Variants in DNAH14 observed in about 807,000 individuals in gnomAD.
DNAH14 encodes the protein dynein axonemal heavy chain 14.
Under a neutral mutation model 520.9 loss-of-function variants are expected in DNAH14, and 478 were observed. The ratio of observed to expected loss-of-function variants is 0.92; its 90% confidence interval spans 0.85 to 0.99. The LOEUF (loss-of-function observed/expected upper bound fraction) is 0.99, where lower values mean the gene tolerates loss of function less well. Among genes scored for constraint, DNAH14 ranks in the 50% least tolerant of loss-of-function variants. The probability of loss-of-function intolerance (pLI) is 0.00; values close to 1 mark genes in which losing one functional copy is unlikely to be tolerated. For synonymous variants in DNAH14, 1,581 were observed against 1,757.2 expected (o/e 0.90, Z 2.51); for missense variants, 4,831 against 5,234.5 (o/e 0.92, Z 2.38).
chr1:224,970,995 C>T (rs2061473378), intron 7 of DNAH14, among the ~76,000 whole-genome samples: 1 of 151,978 alleles, frequency 6.6e-6, no homozygotes, highest in Non-Finnish European at 1.5e-5. Flanking sequence ...AGAAAACATG[C>T]AAATAGGTAA....
At chr1:225,171,802 G>A (rs1186774075) in intron 36 of DNAH14, among the ~76,000 whole-genome samples, 2 of 152,044 alleles carry the variant, frequency 1.3e-5, no homozygotes, top group African/African-American at 4.8e-5. Flanking sequence ...CCAAAGCCTG[G>A]CAGACACACA....
chr1:225,306,678 A>G (rs1299706897), intron 58 of DNAH14, among the ~76,000 whole-genome samples: 1 of 152,148 alleles, frequency 6.6e-6, no homozygotes, highest in East Asian at 1.9e-4. Flanking sequence ...ACACAGCTCT[A>G]GATCACTCAG....
intron 26 of DNAH14, among the ~76,000 whole-genome samples, chr1:225,121,853 T>C (rs1459996191): frequency 6.6e-6 from 1 of 151,370 alleles, no homozygotes; most frequent in Non-Finnish European, 1.5e-5. Flanking sequence ...ATTAAATAAA[T>C]AAATAAATAA....
At chr1:225,388,039 G>A (rs1575150890) in intron 81 of DNAH14, among the ~76,000 whole-genome samples, 1 of 152,230 alleles carries the variant, frequency 6.6e-6, no homozygotes, top group East Asian at 1.9e-4. Flanking sequence ...GGAAGGTCAG[G>A]AAGCTGAAAT....
intron 23 of DNAH14, among the ~76,000 whole-genome samples, chr1:225,112,470 G>A (rs534014476): frequency 5.2e-4 from 79 of 152,094 alleles, no homozygotes; most frequent in Admixed American, 4.8e-3. Flanking sequence ...AATCTGTTTG[G>A]TGTTCTATAA....
In DNAH14 at chr1:225,360,790, C is replaced by T. The variant is rs776416300; in HGVS notation, c.11886C>T (p.Asp3962=). 8 of 1,551,586 alleles carry T rather than the reference C, an allele frequency of 5.2e-6. No individual in the cohort carries two copies. In the East Asian group the frequency reaches 7.3e-5, roughly 14 times the overall value. The change falls in exon 75 of 86, where the codon GAC becomes GAT. Residue 3962 remains aspartate, a synonymous_variant. Coordinates refer to ENST00000682510, the MANE Select transcript of DNAH14 (RefSeq NM_001367479.1). ...LGRDQAAKAE[D]LILKALTKTQ... ...GTGACCAAGCAGCTAAAGCTGAAGACCTCATTTTAAAGGCACTAACAAAAA... is the reference window on the plus strand; with the variant it reads ...GTGACCAAGCAGCTAAAGCTGAAGATCTCATTTTAAAGGCACTAACAAAAA...
Position 225,206,067 on chromosome 1 carries a change from T to C in DNAH14, c.6074T>C (p.Leu2025Pro). ...CTAGATGATACTAGAACATTGTGCC[T>C]AGCAAACAGTGAGAGAATAGCTTTA... The part of the protein sequence containing the change: ...SVLDDTRTLC[L>P]ANSERIALTN... The change falls in exon 40 of 86, where the codon CTA becomes CCA. Residue 2025 changes from leucine (L) to proline (P), a missense_variant. Coordinates refer to ENST00000682510, the MANE Select transcript of DNAH14 (RefSeq NM_001367479.1). The C allele has an allele frequency of 6.4e-7, 1 of 1,551,612 alleles. No individual in the cohort carries two copies. The highest frequency in any genetic ancestry group is 8.7e-7 in the Non-Finnish European group (1 of 1,146,868).
chr1:225,132,195 T>G (rs1289193444), intron 27 of DNAH14, among the ~76,000 whole-genome samples: 3 of 148,224 alleles, frequency 2.0e-5, no homozygotes, highest in Non-Finnish European at 4.4e-5. Flanking sequence ...AAGTTGTTGT[T>G]TTTTTTTTCA....
chr1:225,031,975 T>C (rs2148114482), intron 11 of DNAH14, among the ~76,000 whole-genome samples: 1 of 152,182 alleles, frequency 6.6e-6, no homozygotes, highest in East Asian at 1.9e-4. Context: ...TTTTTAATTG[T>C]TGAAAAGGAA....
intron 3 of DNAH14, among the ~76,000 whole-genome samples, chr1:224,959,819 A>G (rs1287778402): frequency 6.6e-6 from 1 of 152,190 alleles, no homozygotes; most frequent in African/African-American, 2.4e-5. Context: ...AAAGTTACCT[A>G]ACATTTACCT....
Position 225,269,659 on chromosome 1 carries a change from A to C in DNAH14, c.7540-1076A>C, listed in dbSNP as rs182439012. On this transcript the variant is annotated intron_variant, in intron 49 of 85. Coordinates refer to ENST00000682510, the MANE Select transcript of DNAH14 (RefSeq NM_001367479.1). ...AAAAAATCAAACAACTCCATCAAAA[A>C]GTGGGCAAAGGATATGAACAGACAC... 5.0e-3 allele frequency among the ~76,000 whole-genome samples: 760 copies of C among 152,340 alleles called. 6 individuals carry two copies. Among genetic ancestry groups the C allele is most frequent in the African/African-American group, 0.017 (718 of 41,576 alleles).
chr1:225,061,598 C>T (rs188478387), intron 17 of DNAH14, among the ~76,000 whole-genome samples: 19 of 152,290 alleles, frequency 1.2e-4, no homozygotes, highest in Admixed American at 2.6e-4. Context: ...CCATCTTCTG[C>T]GTCGCTCATG....
chr1:225,023,946 A>C (rs1394740534), intron 11 of DNAH14, 81 bp downstream of exon 11: 3 of 1,444,278 alleles, frequency 2.1e-6, no homozygotes, highest in Non-Finnish European at 2.7e-6. Flanking sequence ...AATATTCAAT[A>C]ATTTAAGCTA....
At chr1:225,060,322 T>C (rs1339166449) in intron 17 of DNAH14, among the ~76,000 whole-genome samples, 1 of 152,228 alleles carries the variant, frequency 6.6e-6, no homozygotes, top group Non-Finnish European at 1.5e-5. Context: ...CTGAGGCTTG[T>C]GCATTCGTCA....
chr1:225,369,882 A>C (rs1053407497), intron 77 of DNAH14, among the ~76,000 whole-genome samples: 14 of 152,188 alleles, frequency 9.2e-5, no homozygotes, highest in Non-Finnish European at 1.5e-5. Flanking sequence ...CTTTTATCAA[A>C]TAGGATATTA....
At chr1:224,952,096 C>A (rs1327297659) in intron 1 of DNAH14, among the ~76,000 whole-genome samples, 1 of 152,182 alleles carries the variant, frequency 6.6e-6, no homozygotes, top group Non-Finnish European at 1.5e-5. Flanking sequence ...AGTTACAGTA[C>A]ACGGCCATGT....
At chr1:225,182,502 C>T (rs551963317) in intron 36 of DNAH14, among the ~76,000 whole-genome samples, 23 of 152,218 alleles carry the variant, frequency 1.5e-4, no homozygotes, top group African/African-American at 9.6e-5. Context: ...AACACCTTCA[C>T]GAGAGCTAAA....
chr1:225,318,556 G>A (rs1027302884), intron 60 of DNAH14, 27 bp from the exon 61 acceptor site: 2 of 1,529,616 alleles, frequency 1.3e-6, no homozygotes, highest in Non-Finnish European at 1.8e-6. Flanking sequence ...ATTCATATGT[G>A]TTTGGGGACC....
Position 225,205,989 on chromosome 1 carries a change from T to C in DNAH14, c.5996T>C (p.Ile1999Thr). ...TCTCCAGATTTTGATTGGCAGTGGA[T>C]TATCCTAGATGGCCCAGTGGACACC... ...PENHNFDWQWIILDGPVDTFW... is the reference protein window; with the variant it reads ...PENHNFDWQWTILDGPVDTFW... Residue 1999 changes from isoleucine to threonine, a missense_variant, in exon 40 of 86, where the codon ATT becomes ACT. Coordinates refer to ENST00000682510, the MANE Select transcript of DNAH14 (RefSeq NM_001367479.1). 1 of 1,551,180 alleles carries C rather than the reference T, an allele frequency of 6.4e-7. No individual in the cohort carries two copies. The highest frequency in any genetic ancestry group is 8.7e-7 in the Non-Finnish European group (1 of 1,146,646).
Sources: allele counts gnomAD v4.1 joint callset (sites outside exome capture counted in the v4.1 genomes callset), GRCh38; gene constraint gnomAD v4.1.1; transcripts MANE v1.5; gene names NCBI Gene and HGNC (gene_info 2026-07-23, HGNC 2026-07-21).